Variants in PKP4 observed in about 807,000 individuals in gnomAD.
PKP4 encodes the protein plakophilin 4.
Under a neutral mutation model 145.1 loss-of-function variants are expected in PKP4, and 90 were observed. The observed-to-expected ratio is 0.62, with a 90% confidence interval of 0.52 to 0.74. PKP4 has a LOEUF of 0.74. Among genes scored for constraint, PKP4 ranks in the 30% least tolerant of loss-of-function variants. The pLI is 0.00. For synonymous variants in PKP4, 563 were observed against 577.2 expected, an observed-to-expected ratio of 0.98 and a Z score of 0.35; for missense variants, 1,340 against 1,482.7, an observed-to-expected ratio of 0.90 and a Z score of 1.58.
intron 1 of PKP4, among the ~76,000 whole-genome samples, chr2:158,491,303 G>A (rs1694899819): frequency 6.6e-6 from 1 of 152,138 alleles, no homozygotes; most frequent in Admixed American, 6.5e-5. Flanking sequence ...TAGACTATCA[G>A]TACTCTTACT....
chr2:158,538,306 T>C (rs1392815141), intron 2 of PKP4, among the ~76,000 whole-genome samples: 13 of 152,140 alleles, frequency 8.5e-5, no homozygotes, highest in Non-Finnish European at 2.9e-5. Context: ...TTATAATGAT[T>C]CCAATATGAT....
intron 9 of PKP4, among the ~76,000 whole-genome samples, chr2:158,634,742 T>C (rs2053665275): frequency 6.6e-6 from 1 of 152,230 alleles, no homozygotes; most frequent in Admixed American, 6.5e-5. Flanking sequence ...GTCAACAATA[T>C]ATAACGCTGT....
intron 3 of PKP4, among the ~76,000 whole-genome samples, chr2:158,580,045 T>G (rs967040785): frequency 1.3e-5 from 2 of 152,180 alleles, no homozygotes; most frequent in African/African-American, 4.8e-5. Context: ...TTGCAGAATC[T>G]GTAGCATTTT....
At chr2:158,489,094 C>A (rs760383927) in intron 1 of PKP4, among the ~76,000 whole-genome samples, 1 of 152,078 alleles carries the variant, frequency 6.6e-6, no homozygotes, top group Non-Finnish European at 1.5e-5. Flanking sequence ...TCCAGAAATC[C>A]AATATTTTAC....
intron 4 of PKP4, among the ~76,000 whole-genome samples, chr2:158,620,746 T>G (rs1462804448): frequency 6.6e-6 from 1 of 152,182 alleles, no homozygotes; most frequent in Non-Finnish European, 1.5e-5. Context: ...AGATTTTGAT[T>G]TAATATTGAG....
intron 1 of PKP4, among the ~76,000 whole-genome samples, chr2:158,459,634 C>G (rs1282254644): frequency 3.3e-5 from 5 of 152,150 alleles, no homozygotes; most frequent in Non-Finnish European, 7.3e-5. Flanking sequence ...TAAATGCCAA[C>G]AGGAAACTTT....
At chr2:158,457,358 C>T (rs1549084) in intron 1 of PKP4, 140 bp downstream of exon 1, 89,507 of 151,894 alleles carry the variant, frequency 0.59, 26,666 homozygotes, top group East Asian at 0.73. Context: ...CCCAGCGCCT[C>T]GCGGCCGCCG....
Position 158,643,722 on chromosome 2 carries a change from A to G in PKP4, c.1909+1023A>G, listed in dbSNP as rs2054539049. 2.5e-5 allele frequency among the ~76,000 whole-genome samples: 3 copies of G among 122,242 alleles called. No homozygotes were observed. In the South Asian group the frequency reaches 1.0e-3, roughly 43 times the overall value. The allele number at this position is 122,242 out of a possible 152,430, so 80.2% of individuals were successfully genotyped here. ...AGTGAGGCCCTGTTTCAAAAAAAAA[A>G]AAAAAAGAAAAGAAAACAAGGCCAG... On this transcript the variant is annotated intron_variant, in intron 11 of 21. Transcript: ENST00000389759.
At chr2:158,541,162 C>G (rs2044493028) in intron 2 of PKP4, among the ~76,000 whole-genome samples, 1 of 151,984 alleles carries the variant, frequency 6.6e-6, no homozygotes, top group African/African-American at 2.4e-5. Flanking sequence ...CAGGTATAAC[C>G]CTAAAGTTAT....
At chr2:158,580,404 G>A (rs2048235521) in intron 3 of PKP4, among the ~76,000 whole-genome samples, 2 of 152,084 alleles carry the variant, frequency 1.3e-5, no homozygotes, top group Admixed American at 6.6e-5. Flanking sequence ...AGGGAAAGGA[G>A]GAAAATGTGC....
rs745660623 is a variant in PKP4 at position 158,577,287 on chromosome 2, G to A, written c.149G>A (p.Arg50Gln). 6.8e-6 allele frequency: 11 copies of A among 1,612,478 alleles called. No individual in the cohort carries two copies. The highest frequency in any genetic ancestry group is 1.1e-5 in the South Asian group (1 of 90,844). ...SVKEQELQFQ[R>Q]LTRELEVERQ... ...GAATCACAGGAGCTTCAGTTTCAGC[G>A]ACTCACCCGAGAACTGGAAGTGGAA... Residue 50 changes from arginine (R) to glutamine (Q), a missense_variant, in exon 3 of 22, where the codon CGA becomes CAA. Arg to Gln is a conservative substitution (Grantham distance 43). Coordinates refer to ENST00000389759, the MANE Select transcript of PKP4 (RefSeq NM_003628.6).
intron 15 of PKP4, among the ~76,000 whole-genome samples, chr2:158,664,077 G>A (rs1486942518): frequency 6.6e-6 from 1 of 152,210 alleles, no homozygotes; most frequent in Non-Finnish European, 1.5e-5. Flanking sequence ...AAAGAGTCTG[G>A]GCAGATGAGT....
intron 3 of PKP4, among the ~76,000 whole-genome samples, chr2:158,584,713 A>G (rs1254075476): frequency 6.6e-6 from 1 of 152,236 alleles, no homozygotes; most frequent in Non-Finnish European, 1.5e-5. Context: ...TTAGAATTGA[A>G]GATTTCATAA....
rs537949274 is a variant in PKP4, at chr2:158,608,667, G to A, written c.280+5563G>A. Among the ~76,000 whole-genome samples, 6 of 152,086 alleles carry A rather than the reference G, an allele frequency of 3.9e-5. No homozygotes were observed. In the South Asian group the frequency reaches 1.0e-3, roughly 26 times the overall value. On this transcript the variant is annotated intron_variant, in intron 4 of 21. Coordinates refer to ENST00000389759, the MANE Select transcript of PKP4 (RefSeq NM_003628.6). ...CTTTCTAATATTTTAACTGTATAAT[G>A]TTGTGGTTTTTCTTAAGTTTACCCA...
intron 4 of PKP4, among the ~76,000 whole-genome samples, chr2:158,616,100 T>C (rs2051582992): frequency 6.6e-6 from 1 of 152,218 alleles, no homozygotes; most frequent in African/African-American, 2.4e-5. Flanking sequence ...TGTAATATTC[T>C]TAAAATATCT....
rs1246615021 is a variant in PKP4, at chr2:158,601,443, A to G, written c.246-1627A>G. Among the ~76,000 whole-genome samples the G allele has an allele frequency of 4.6e-5, 7 of 152,364 alleles. No individual in the cohort carries two copies. The East Asian group carries it at 1.3e-3, about 29-fold the overall frequency. ...AGAAACTAATTTAGATAATAGAATT[A>G]AATAACAAAAACAGATTGAGGAGAA... On this transcript the variant is annotated intron_variant, in intron 3 of 21. Coordinates refer to ENST00000389759, the MANE Select transcript of PKP4 (RefSeq NM_003628.6).
intron 3 of PKP4, among the ~76,000 whole-genome samples, chr2:158,581,733 G>T (rs2048352329): frequency 6.6e-6 from 1 of 152,132 alleles, no homozygotes; most frequent in Non-Finnish European, 1.5e-5. Context: ...CTAGTCCTCT[G>T]CATATATTTC....
chr2:158,496,399 G>C (rs1040815351), intron 1 of PKP4, among the ~76,000 whole-genome samples: 1 of 152,126 alleles, frequency 6.6e-6, no homozygotes, highest in Non-Finnish European at 1.5e-5. Flanking sequence ...TGGCTGTAAG[G>C]ATTGAATTTA....
intron 11 of PKP4, among the ~76,000 whole-genome samples, chr2:158,644,769 A>AGGG (rs989462880): frequency 6.6e-6 from 1 of 152,200 alleles, no homozygotes; most frequent in Non-Finnish European, 1.5e-5. Flanking sequence ...AAGGAGGAAA[A>AGGG]TGGGACTGGG....
Sources: gnomAD v4.1 joint callset for allele counts (sites outside exome capture counted in the v4.1 genomes callset) on GRCh38, gnomAD v4.1.1 for gene constraint, MANE v1.5 for transcripts, NCBI Gene and HGNC (gene_info 2026-07-23, HGNC 2026-07-21) for gene names.